Variants in KCNQ4 observed in about 807,000 individuals in gnomAD.
KCNQ4 encodes potassium voltage-gated channel subfamily Q member 4.
KCNQ4 carries 31 observed loss-of-function variants against 72.6 expected under a neutral mutation model. That is an observed-to-expected ratio of 0.43 (90% CI 0.32 to 0.58). The LOEUF is 0.58. Ranked by LOEUF, KCNQ4 falls within the 20% of genes least tolerant of loss-of-function variation. The pLI, the probability that KCNQ4 is intolerant of heterozygous loss-of-function variation, is 0.08. For synonymous variants in KCNQ4, 405 were observed against 403.7 expected, an observed-to-expected ratio of 1.00 and a Z score of -0.04; for missense variants, 869 against 962.6, an observed-to-expected ratio of 0.90 and a Z score of 1.29.
At chr1:40,807,193 T>C (rs1331746345) in intron 1 of KCNQ4, among the ~76,000 whole-genome samples, 1 of 152,166 alleles carries the variant, frequency 6.6e-6, no homozygotes, top group African/African-American at 2.4e-5. Context: ...GTTTGTTCTA[T>C]GTGCTGGCGG....
At chr1:40,785,316 G>A (rs1410805789) in intron 1 of KCNQ4, among the ~76,000 whole-genome samples, 3 of 152,224 alleles carry the variant, frequency 2.0e-5, no homozygotes, top group Admixed American at 1.3e-4. Context: ...GAACATGAGA[G>A]GCCCCGCAGA....
chr1:40,806,511 G>A (rs921507819), intron 1 of KCNQ4, among the ~76,000 whole-genome samples: 1 of 152,236 alleles, frequency 6.6e-6, no homozygotes, highest in Non-Finnish European at 1.5e-5. Flanking sequence ...TTTGGGGCTG[G>A]TGCAGGTGGG....
At chr1:40,797,100 G>C (rs995123413) in intron 1 of KCNQ4, among the ~76,000 whole-genome samples, 4 of 152,196 alleles carry the variant, frequency 2.6e-5, no homozygotes, top group African/African-American at 7.2e-5. Context: ...CCAGACTCTG[G>C]GGACAGAGCA....
intron 12 of KCNQ4, among the ~76,000 whole-genome samples, chr1:40,835,535 A>G (rs2148333009): frequency 6.6e-6 from 1 of 152,242 alleles, no homozygotes; most frequent in South Asian, 2.1e-4. Flanking sequence ...CAAGACCCAC[A>G]TCACCTGCAC....
At position 40,811,187 on chromosome 1, in the gene KCNQ4, A is replaced by T. The variant is rs549471109; in HGVS notation, c.315-6078A>T. ...TCTGGCCAATAGGAAGCCTTTGGCC[A>T]GCAGGAGCAGTTATGGTTATTACTT... On this transcript the variant is annotated intron_variant, in intron 1 of 13. Transcript: ENST00000347132. Among the ~76,000 whole-genome samples, 6 of 152,294 alleles carry T rather than the reference A, an allele frequency of 3.9e-5. No individual in the cohort carries two copies. The South Asian group carries it at 1.0e-3, about 26-fold the overall frequency.
intron 1 of KCNQ4, among the ~76,000 whole-genome samples, chr1:40,814,712 AC>A (rs1648033121): frequency 6.6e-6 from 1 of 152,100 alleles, no homozygotes; most frequent in Non-Finnish European, 1.5e-5. Context: ...TCAAAAAAAA[AC>A]AAAACAAAAC....
chr1:40,818,458 G>T, intron 3 of KCNQ4, 47 bp from the exon 4 acceptor site: 1 of 1,514,478 alleles, frequency 6.6e-7, no homozygotes, highest in South Asian at 1.1e-5. Flanking sequence ...CTCCGGGTCC[G>T]TGCGCGGGGT....
chr1:40,786,739 G>A (rs1647206672), intron 1 of KCNQ4, among the ~76,000 whole-genome samples: 1 of 152,132 alleles, frequency 6.6e-6, no homozygotes, highest in African/African-American at 2.4e-5. Context: ...CCTCTCTCTT[G>A]GATGAGGTAA....
chr1:40,828,157 G>A lies in KCNQ4; in HGVS notation c.1293-2927G>A, dbSNP rs1001691910. On this transcript the variant is annotated intron_variant, in intron 9 of 13. Coordinates refer to ENST00000347132, the MANE Select transcript of KCNQ4 (RefSeq NM_004700.4). ...CCCCCAGTGAGAGTGGCCCTGGGAGGGCAGATCATGAGGCCCTAAAGAAAG... is the reference window on the plus strand; with the variant it reads ...CCCCCAGTGAGAGTGGCCCTGGGAGAGCAGATCATGAGGCCCTAAAGAAAG... Among the ~76,000 whole-genome samples, 28 of 152,312 alleles carry A rather than the reference G, an allele frequency of 1.8e-4. 1 individual carries two copies. Among genetic ancestry groups the A allele is most frequent in the African/African-American group, 6.7e-4 (28 of 41,554 alleles).
intron 1 of KCNQ4, among the ~76,000 whole-genome samples, chr1:40,809,818 A>C (rs567688360): frequency 4.3e-4 from 66 of 152,202 alleles, no homozygotes; most frequent in African/African-American, 1.5e-3. Flanking sequence ...TAATCCCAGC[A>C]CTTTGGGAGG....
intron 9 of KCNQ4, among the ~76,000 whole-genome samples, chr1:40,827,517 C>T (rs3820523): frequency 0.18 from 27,780 of 152,098 alleles, 2,864 homozygotes; most frequent in Admixed American, 0.31. Flanking sequence ...AGAGCTGGGT[C>T]ATGCAGAACC....
intron 1 of KCNQ4, among the ~76,000 whole-genome samples, chr1:40,800,799 T>C (rs1647549033): frequency 6.6e-6 from 1 of 151,960 alleles, no homozygotes; most frequent in Non-Finnish European, 1.5e-5. Flanking sequence ...TGTAGAATAG[T>C]GTGAGAAGGG....
At position 40,808,604 on chromosome 1, in the gene KCNQ4, C is replaced by T. The variant is rs371799898; in HGVS notation, c.315-8661C>T. Among the ~76,000 whole-genome samples, 95 of 152,208 alleles carry T rather than the reference C, an allele frequency of 6.2e-4. 1 individual carries two copies. Among genetic ancestry groups the T allele is most frequent in the African/African-American group, 2.2e-3 (92 of 41,516 alleles). ...GCAGTCCCCAGTGAGTAGGGGCTGT[C>T]GGCCTCCTCCCTTCCCACAGCCTCC... On this transcript the variant is annotated intron_variant, in intron 1 of 13. Coordinates refer to ENST00000347132, the MANE Select transcript of KCNQ4 (RefSeq NM_004700.4).
Position 40,820,229 on chromosome 1 carries a change from A to G in KCNQ4, c.1010A>G (p.Lys337Arg). 3 of 1,610,018 alleles carry G rather than the reference A, an allele frequency of 1.9e-6. No homozygotes were observed. Among genetic ancestry groups the G allele is most frequent in the Non-Finnish European group, 1.7e-6 (2 of 1,178,308 alleles). The change falls in exon 7 of 14, where the codon AAG becomes AGG. Residue 337 changes from lysine to arginine, a missense_variant. This residue lies in a region of KCNQ4 where 19 missense variants were observed against 26.4 expected (regional missense o/e 0.72). Transcript: ENST00000347132. ...QEQHRQKHFE[K>R]RRMPAANLIQ... ...CAGCACCGGCAGAAGCACTTCGAGA[A>G]GCGGAGGATGCCGGCAGCCAACCTC...
At chr1:40,792,929 T>C (rs1647312385) in intron 1 of KCNQ4, among the ~76,000 whole-genome samples, 1 of 151,854 alleles carries the variant, frequency 6.6e-6, no homozygotes, top group South Asian at 2.1e-4. Context: ...CTGGGAGCCA[T>C]GCATTTGGCC....
intron 3 of KCNQ4, 60 bp from the exon 4 acceptor site, chr1:40,818,445 C>G: frequency 6.3e-7 from 1 of 1,593,290 alleles, no homozygotes; most frequent in South Asian, 1.1e-5. Flanking sequence ...CAGAAGTCCC[C>G]GCCTCCGGGT....
intron 12 of KCNQ4, among the ~76,000 whole-genome samples, chr1:40,835,433 G>C (rs1247823031): frequency 1.3e-5 from 2 of 152,198 alleles, no homozygotes. Flanking sequence ...TCTCCCAAGA[G>C]AATAGGCAAA....
At position 40,788,356 on chromosome 1, in the gene KCNQ4, C is replaced by G. The variant is rs1294676946; in HGVS notation, c.314+3949C>G. 1.3e-5 allele frequency among the ~76,000 whole-genome samples: 2 copies of G among 152,190 alleles called. No homozygotes were observed. The highest frequency in any genetic ancestry group is 2.9e-5 in the Non-Finnish European group (2 of 68,032). On this transcript the variant is annotated intron_variant, in intron 1 of 13. Coordinates refer to ENST00000347132, the MANE Select transcript of KCNQ4 (RefSeq NM_004700.4). This position sits in a 1 kb window ranked among gnomAD's most constrained non-coding sequence, Gnocchi z 4.5. ...GCCAGGGCAGAGAGTTGAAATTGCTCCTGCTTCCTTGTCCAGGACTGTTCG... is the reference window on the plus strand; with the variant it reads ...GCCAGGGCAGAGAGTTGAAATTGCTGCTGCTTCCTTGTCCAGGACTGTTCG...
intron 1 of KCNQ4, among the ~76,000 whole-genome samples, chr1:40,792,863 A>G (rs1647311338): frequency 6.6e-6 from 1 of 152,076 alleles, no homozygotes; most frequent in African/African-American, 2.4e-5. Flanking sequence ...GACTTGCCCA[A>G]AGTCAACATA....
Sources: allele counts gnomAD v4.1 joint callset (sites outside exome capture counted in the v4.1 genomes callset), GRCh38; gene constraint gnomAD v4.1.1; regional missense constraint gnomAD v4.1.1; non-coding constraint Gnocchi (gnomAD v3.1); transcripts MANE v1.5; gene names NCBI Gene and HGNC (gene_info 2026-07-23, HGNC 2026-07-21).